Variants in TRPS1 observed in about 807,000 individuals in gnomAD.
TRPS1 encodes the protein zinc finger transcription factor Trps1.
TRPS1 carries 6 observed loss-of-function variants against 101.2 expected under a neutral mutation model. That is an observed-to-expected ratio of 0.06 (90% CI 0.03 to 0.12). The LOEUF is 0.12. TRPS1 is among the 10% of genes least tolerant of loss of function. The probability of loss-of-function intolerance (pLI) is 1.00; values close to 1 mark genes in which losing one functional copy is unlikely to be tolerated. For missense variants in TRPS1, 1,363 were observed against 1,567.0 expected (o/e 0.87, Z 2.20); for synonymous variants, 578 against 589.8 (o/e 0.98, Z 0.29).
Position 115,535,273 on chromosome 8 carries a change from T to G in TRPS1, c.2700+51728A>C, listed in dbSNP as rs868621542. Among the ~76,000 whole-genome samples, 490 of 135,210 alleles carry G rather than the reference T, an allele frequency of 3.6e-3. 19 individuals carry two copies. In the South Asian group the frequency reaches 0.039, roughly 11 times the overall value. The allele number at this position is 135,210 out of a possible 152,430, so 88.7% of individuals were successfully genotyped here. ...ATATAGCATATATATAGCATATATA[T>G]AGCATATATAGCATATATATAGCAT... On this transcript the variant is annotated intron_variant, in intron 5 of 6. Coordinates refer to ENST00000395715, the MANE Select transcript of TRPS1 (RefSeq NM_014112.5).
chr8:115,597,271 C>T (rs1817808762), intron 4 of TRPS1, among the ~76,000 whole-genome samples: 1 of 151,840 alleles, frequency 6.6e-6, no homozygotes, highest in Non-Finnish European at 1.5e-5. Flanking sequence ...ATTTCTATCC[C>T]TCATAAGGTG....
chr8:115,566,842 C>T (rs1385620511), intron 5 of TRPS1, among the ~76,000 whole-genome samples: 1 of 151,976 alleles, frequency 6.6e-6, no homozygotes, highest in African/African-American at 2.4e-5. Flanking sequence ...ATAATTTCAT[C>T]AAACCATTCT....
intron 4 of TRPS1, among the ~76,000 whole-genome samples, chr8:115,601,550 C>CT (rs1235749560): frequency 2.0e-5 from 3 of 152,150 alleles, no homozygotes; most frequent in Non-Finnish European, 4.4e-5. Context: ...TACTCAGCAC[C>CT]TTAAAGGATC....
intron 6 of TRPS1, among the ~76,000 whole-genome samples, chr8:115,416,710 T>G (rs1812930135): frequency 6.6e-6 from 1 of 152,000 alleles, no homozygotes; most frequent in Non-Finnish European, 1.5e-5. Context: ...TTTGGAACAT[T>G]TCTGTTGTTA....
rs898388383 is a variant in TRPS1 at position 115,421,041 on chromosome 8, G to A, written c.2701-2589C>T. ...TCACTCACCCAGGCTGGAGTGCAAT[G>A]GCACACGATCTTGGCTCACTGCAAC... On this transcript the variant is annotated intron_variant, in intron 5 of 6. Coordinates refer to ENST00000395715, the MANE Select transcript of TRPS1 (RefSeq NM_014112.5). 9.4e-5 allele frequency among the ~76,000 whole-genome samples: 14 copies of A among 149,678 alleles called. No individual in the cohort carries two copies. The South Asian group carries it at 1.1e-3, about 11-fold the overall frequency.
At chr8:115,535,336 C>CATATATAGCGCATATATATA in intron 5 of TRPS1, among the ~76,000 whole-genome samples, 1 of 48,044 alleles carries the variant, frequency 2.1e-5, no homozygotes, top group Non-Finnish European at 3.3e-5. Context: ...GCATATATAG[C>CATATATAGCGCATATATATA]GCATATATAT....
At chr8:115,443,885 G>A (rs1279428116) in intron 5 of TRPS1, among the ~76,000 whole-genome samples, 3 of 152,152 alleles carry the variant, frequency 2.0e-5, no homozygotes, top group Non-Finnish European at 4.4e-5. Context: ...GTATCTCAGT[G>A]TCTAATATAT....
At chr8:115,419,779 G>A (rs1000446406) in intron 5 of TRPS1, among the ~76,000 whole-genome samples, 3 of 152,212 alleles carry the variant, frequency 2.0e-5, no homozygotes, top group Admixed American at 2.0e-4. Context: ...TGAGCAGCCA[G>A]TTCCCTATAG....
At chr8:115,569,494 G>A (rs1169728728) in intron 5 of TRPS1, among the ~76,000 whole-genome samples, 1 of 152,084 alleles carries the variant, frequency 6.6e-6, no homozygotes, top group Non-Finnish European at 1.5e-5. Context: ...TGATGAGGTT[G>A]AGTTTGTAGT....
At chr8:115,481,634 T>C (rs1315312156) in intron 5 of TRPS1, among the ~76,000 whole-genome samples, 1 of 152,186 alleles carries the variant, frequency 6.6e-6, no homozygotes, top group Non-Finnish European at 1.5e-5. Context: ...TTGAAGAAGC[T>C]CCTGTCTGCT....
At chr8:115,554,561 T>C (rs1326897470) in intron 5 of TRPS1, among the ~76,000 whole-genome samples, 1 of 152,130 alleles carries the variant, frequency 6.6e-6, no homozygotes, top group Non-Finnish European at 1.5e-5. Flanking sequence ...CTGAGATGCC[T>C]CCATCAGTTA....
intron 5 of TRPS1, among the ~76,000 whole-genome samples, chr8:115,533,747 G>A (rs1234970232): frequency 1.3e-5 from 2 of 151,880 alleles, no homozygotes; most frequent in African/African-American, 4.8e-5. Context: ...CTGAAGGCTG[G>A]GAGTCCAGGA....
chr8:115,489,961 A>G (rs1446717316), intron 5 of TRPS1, among the ~76,000 whole-genome samples: 1 of 152,120 alleles, frequency 6.6e-6, no homozygotes, highest in East Asian at 1.9e-4. Flanking sequence ...TTCCATTAAA[A>G]GTTACTGATC....
rs367731955 is a variant in TRPS1, at chr8:115,652,388, C to G, written c.-122+16157G>C. Among the ~76,000 whole-genome samples the G allele has an allele frequency of 2.3e-4, 35 of 152,266 alleles. No individual in the cohort carries two copies. In the East Asian group the frequency reaches 6.6e-3, roughly 29 times the overall value. On this transcript the variant is annotated intron_variant, in intron 1 of 6. Coordinates refer to ENST00000395715, the MANE Select transcript of TRPS1 (RefSeq NM_014112.5). ...CTCCACTCTGAGGTTATTTTTATGT[C>G]TGAGTAGGTTTCTCTTTTATCTGAA...
chr8:115,410,822 G>T lies in TRPS1; in HGVS notation c.*3201C>A, dbSNP rs1228044676. The stretch of plus-strand genomic sequence containing the variant: ...AGTTTTTAAATGGCACACAATTTTA[G>T]CTGGCACATCATTTTCATCACAGGG... On this transcript the variant is annotated 3_prime_UTR_variant, in exon 7 of 7. Transcript: ENST00000395715. 6.6e-6 allele frequency: 1 copy of T among 151,852 alleles called. No homozygotes were observed. Among genetic ancestry groups the T allele is most frequent in the East Asian group, 1.9e-4 (1 of 5,176 alleles). 9.4% of individuals were successfully genotyped at this position (151,852 alleles called of 1,614,324 possible). A position where few individuals can be genotyped will look rare whatever the true frequency, so the allele number is the denominator to read the frequency against.
intron 1 of TRPS1, among the ~76,000 whole-genome samples, chr8:115,627,982 T>C (rs1403124629): frequency 6.6e-6 from 1 of 151,860 alleles, no homozygotes; most frequent in Non-Finnish European, 1.5e-5. Context: ...TTACTATTAG[T>C]AGTATTAAAA....
rs533282963 is a variant in TRPS1 at position 115,411,109 on chromosome 8, T to C, written c.*2914A>G. ...CTCTTCTCCACCAAAATATGTATAA[T>C]AATGAAAGCAAAAAATGAAAATAAA... On this transcript the variant is annotated 3_prime_UTR_variant, in exon 7 of 7. Coordinates refer to ENST00000395715, the MANE Select transcript of TRPS1 (RefSeq NM_014112.5). 1 of 152,160 alleles carries C rather than the reference T, an allele frequency of 6.6e-6. No homozygotes were observed. Among genetic ancestry groups the C allele is most frequent in the East Asian group, 1.9e-4 (1 of 5,150 alleles). The allele number at this position is 152,160 out of a possible 1,614,324, so 9.4% of individuals were successfully genotyped here. A position where few individuals can be genotyped will look rare whatever the true frequency, so the allele number is the denominator to read the frequency against.
chr8:115,463,699 T>A (rs1814247185), intron 5 of TRPS1, among the ~76,000 whole-genome samples: 2 of 152,176 alleles, frequency 1.3e-5, no homozygotes, highest in Admixed American at 6.5e-5. Flanking sequence ...CAACAATTTT[T>A]AATTTTAAAA....
intron 5 of TRPS1, among the ~76,000 whole-genome samples, chr8:115,442,226 G>A (rs1244048602): frequency 1.3e-5 from 2 of 152,038 alleles, no homozygotes; most frequent in African/African-American, 4.8e-5. Context: ...ATATAGATTC[G>A]CTGGTATTAT....
Sources: gnomAD v4.1 joint callset for allele counts (sites outside exome capture counted in the v4.1 genomes callset) on GRCh38, gnomAD v4.1.1 for gene constraint, MANE v1.5 for transcripts, NCBI Gene and HGNC (gene_info 2026-07-23, HGNC 2026-07-21) for gene names.